The following SNURF variants were observed in gnomAD, a reference collection of about 807,000 sequenced individuals.
SNURF encodes the protein SNURF protein.
In SNURF, 6 loss-of-function variants were observed where a neutral mutation model predicts 11.6. The ratio of observed to expected loss-of-function variants is 0.52; its 90% confidence interval spans 0.28 to 1.02. The LOEUF is 1.02. Ranked by LOEUF, SNURF falls within the 50% of genes least tolerant of loss-of-function variation. SNURF has a pLI of 0.09. For synonymous variants in SNURF, 29 were observed against 31.6 expected (o/e 0.92, Z 0.27); for missense variants, 84 against 88.4 (o/e 0.95, Z 0.20).
At chr15:24,963,063 C>G (rs2075085475) in intron 2 of SNURF, among the ~76,000 whole-genome samples, 1 of 152,056 alleles carries the variant, frequency 6.6e-6, no homozygotes, top group African/African-American at 2.4e-5. Flanking sequence ...AGACCTTGTC[C>G]TATGCATTGT....
chr15:24,962,437 T>A (rs1258719599), intron 2 of SNURF, among the ~76,000 whole-genome samples: 2 of 152,226 alleles, frequency 1.3e-5, no homozygotes, highest in African/African-American at 2.4e-5. Flanking sequence ...CGTGGGTAAG[T>A]GCATTTTATC....
chr15:24,962,608 CATTT>C (rs999470548), intron 2 of SNURF, among the ~76,000 whole-genome samples: 8 of 151,992 alleles, frequency 5.3e-5, no homozygotes, highest in African/African-American at 1.9e-4. Context: ...TTGGTTAGTG[CATTT>C]ATTCTGTTAA....
At chr15:24,961,283 A>G (rs1307592572) in intron 1 of SNURF, among the ~76,000 whole-genome samples, 2 of 152,232 alleles carry the variant, frequency 1.3e-5, no homozygotes, top group Non-Finnish European at 1.5e-5. Context: ...CTATTTTACC[A>G]ATCTAAAAGT....
In SNURF at chr15:24,955,750, C is replaced by T. The variant is rs572965935; in HGVS notation, c.14+688C>T. The stretch of plus-strand genomic sequence containing the variant: ...AAGTGGCTGGGAGGTAGGGGGAAGG[C>T]GGCGACAGTGGGTATTGGCGGCGGT... On this transcript the variant is annotated intron_variant, in intron 1 of 2. Coordinates refer to ENST00000577949, the Ensembl canonical transcript of SNURF. Among the ~76,000 whole-genome samples the T allele has an allele frequency of 1.0e-4, 15 of 150,684 alleles. 1 individual carries two copies. In the South Asian group the frequency reaches 2.1e-3, roughly 22 times the overall value.
downstream of SNURF, chr15:24,977,936 GA>G: frequency 2.0e-6 from 3 of 1,537,162 alleles, no homozygotes; most frequent in Non-Finnish European, 2.6e-6. Context: ...TGGTGAACAC[GA>G]AGACGAACTT....
intron 6 of SNURF, chr15:24,977,662 G>A: frequency 1.0e-6 from 1 of 1,003,092 alleles, no homozygotes; most frequent in Admixed American, 2.9e-5. Flanking sequence ...AATAATGAGA[G>A]AAGTACATTG....
At chr15:24,974,439 G>A in intron 3 of SNURF, 1 of 1,613,426 alleles carries the variant, frequency 6.2e-7, no homozygotes, top group South Asian at 1.1e-5. Flanking sequence ...CATTGGATTT[G>A]GTGGAACAGC....
At chr15:24,962,824 CCATTAAAATTTTGATGG>C (rs2075042328) in intron 2 of SNURF, among the ~76,000 whole-genome samples, 1 of 151,908 alleles carries the variant, frequency 6.6e-6, no homozygotes, top group South Asian at 2.1e-4. Context: ...TTTGTCATTG[CCATTAAAATTTTGATGG>C]CATTAAAATT....
downstream of SNURF, among the ~76,000 whole-genome samples, chr15:24,973,662 G>A (rs138999343): frequency 2.2e-3 from 338 of 152,012 alleles, no homozygotes; most frequent in African/African-American, 7.8e-3. Flanking sequence ...GGCCTCCCCT[G>A]GTGCTGGGAT....
At chr15:24,958,464 T>A (rs1294394314) in intron 1 of SNURF, among the ~76,000 whole-genome samples, 1 of 149,130 alleles carries the variant, frequency 6.7e-6, no homozygotes, top group Non-Finnish European at 1.5e-5. Context: ...TCTCTCCATT[T>A]CTGGATGCTA....
At chr15:24,970,132 A>C (rs1223569767), downstream of SNURF, among the ~76,000 whole-genome samples, 1 of 152,236 alleles carries the variant, frequency 6.6e-6, no homozygotes, top group Non-Finnish European at 1.5e-5. Flanking sequence ...AGCGTAGACA[A>C]TCAGATGAAT....
At chr15:24,963,920 T>C (rs2075241570) in intron 2 of SNURF, among the ~76,000 whole-genome samples, 1 of 151,980 alleles carries the variant, frequency 6.6e-6, no homozygotes, top group African/African-American at 2.4e-5. Flanking sequence ...TAGTCTCAGC[T>C]ACCTGGGAGG....
At chr15:24,972,359 A>G (rs1566971669), downstream of SNURF, among the ~76,000 whole-genome samples, 1 of 152,122 alleles carries the variant, frequency 6.6e-6, no homozygotes, top group Non-Finnish European at 1.5e-5. Flanking sequence ...AAAACTTCTA[A>G]GTTATAGTCC....
At chr15:24,962,349 C>G in intron 2 of SNURF, 140 bp downstream of exon 2, 1 of 730,522 alleles carries the variant, frequency 1.4e-6, no homozygotes, top group Non-Finnish European at 2.4e-6. Context: ...AGTAAAAAAG[C>G]AATGAAATTC....
exon 3 of SNURF, chr15:24,968,271 T>C: frequency 4.1e-6 from 2 of 485,708 alleles, no homozygotes; most frequent in South Asian, 4.6e-5. Flanking sequence ...GTCATGTTTC[T>C]GTATTCCAGT....
intron 1 of SNURF, among the ~76,000 whole-genome samples, chr15:24,955,398 G>C (rs1273714980): frequency 1.3e-5 from 2 of 151,986 alleles, no homozygotes; most frequent in Non-Finnish European, 2.9e-5. Context: ...CATGGGTGGA[G>C]GTGGGTACAT....
At chr15:24,971,468 G>A (rs1161435906), downstream of SNURF, among the ~76,000 whole-genome samples, 2 of 152,056 alleles carry the variant, frequency 1.3e-5, no homozygotes, top group Non-Finnish European at 2.9e-5. Context: ...TTTAACTGCT[G>A]TAGGAGGTCA....
intron 1 of SNURF, among the ~76,000 whole-genome samples, chr15:24,961,470 A>T (rs1289747496): frequency 6.6e-6 from 1 of 152,100 alleles, no homozygotes; most frequent in Non-Finnish European, 1.5e-5. Flanking sequence ...TAATATGGCT[A>T]GTCTGGTGTG....
intron 2 of SNURF, among the ~76,000 whole-genome samples, chr15:24,967,475 A>C (rs1282874933): frequency 6.6e-6 from 1 of 151,948 alleles, no homozygotes; most frequent in Admixed American, 6.6e-5. Context: ...CCCCATCTCT[A>C]CTAAAAATAC....
Sources: allele counts gnomAD v4.1 joint callset (sites outside exome capture counted in the v4.1 genomes callset), GRCh38; gene constraint gnomAD v4.1.1; transcripts MANE v1.5; gene names NCBI Gene and HGNC (gene_info 2026-07-23, HGNC 2026-07-21).